The following KIAA1328 variants were observed in gnomAD, a reference collection of about 807,000 sequenced individuals.
KIAA1328 encodes KIAA1328.
In KIAA1328, 52 loss-of-function variants were observed where a neutral mutation model predicts 68.1. The ratio of observed to expected loss-of-function variants is 0.76; its 90% confidence interval spans 0.61 to 0.96. The LOEUF is 0.96. Ranked by LOEUF, KIAA1328 falls within the 40% of genes least tolerant of loss-of-function variation. The pLI, the probability that KIAA1328 is intolerant of heterozygous loss-of-function variation, is 0.00. For synonymous variants in KIAA1328, 232 were observed against 239.4 expected (o/e 0.97, Z 0.28); for missense variants, 641 against 677.6 (o/e 0.95, Z 0.60).
intron 5 of KIAA1328, among the ~76,000 whole-genome samples, chr18:36,899,696 A>G (rs1319672211): frequency 1.3e-5 from 2 of 152,020 alleles, no homozygotes; most frequent in East Asian, 3.8e-4. Flanking sequence ...ACTGCTAGGA[A>G]AGAATGAAGT....
At chr18:36,913,569 C>CACACA (rs1491555481) in intron 5 of KIAA1328, among the ~76,000 whole-genome samples, 24 of 146,114 alleles carry the variant, frequency 1.6e-4, no homozygotes, top group Non-Finnish European at 2.6e-4. Flanking sequence ...CACACACACA[C>CACACA]TACTTAGAGG....
chr18:36,868,921 T>A (rs992156952), intron 4 of KIAA1328, among the ~76,000 whole-genome samples: 1 of 152,150 alleles, frequency 6.6e-6, no homozygotes. Context: ...TATTATTTTA[T>A]ATTTATTCTG....
chr18:37,175,280 T>C (rs939530767), intron 9 of KIAA1328, among the ~76,000 whole-genome samples: 4 of 152,080 alleles, frequency 2.6e-5, no homozygotes, highest in African/African-American at 9.7e-5. Flanking sequence ...GAGGGAAGTA[T>C]GAAAAAATGG....
chr18:37,066,135 A>G (rs1280893400), intron 6 of KIAA1328, among the ~76,000 whole-genome samples: 2 of 152,228 alleles, frequency 1.3e-5, no homozygotes, highest in Non-Finnish European at 2.9e-5. Flanking sequence ...AGAATCATTG[A>G]TACAGATTAA....
At chr18:37,134,576 A>C (rs1188415761) in intron 7 of KIAA1328, among the ~76,000 whole-genome samples, 1 of 152,048 alleles carries the variant, frequency 6.6e-6, no homozygotes, top group African/African-American at 2.4e-5. Context: ...TTCTGCATTC[A>C]CTCTTCTGTG....
intron 4 of KIAA1328, among the ~76,000 whole-genome samples, chr18:36,850,048 GTTTTTC>G (rs916334620): frequency 1.3e-5 from 2 of 151,866 alleles, no homozygotes; most frequent in African/African-American, 4.8e-5. Context: ...AAATTGGGGT[GTTTTTC>G]TTTTTTGTTA....
intron 7 of KIAA1328, among the ~76,000 whole-genome samples, chr18:37,148,772 A>C (rs2058963339): frequency 6.6e-6 from 1 of 152,150 alleles, no homozygotes; most frequent in South Asian, 2.1e-4. Flanking sequence ...TCTTCTTTTG[A>C]GAAGTGTGTA....
At chr18:37,012,730 A>G (rs1450533689) in intron 6 of KIAA1328, among the ~76,000 whole-genome samples, 2 of 152,188 alleles carry the variant, frequency 1.3e-5, no homozygotes, top group African/African-American at 4.8e-5. Flanking sequence ...TCTGGAGTGT[A>G]GTTTAATAAA....
At chr18:36,950,939 C>T (rs554769697) in intron 5 of KIAA1328, among the ~76,000 whole-genome samples, 6 of 152,206 alleles carry the variant, frequency 3.9e-5, no homozygotes, top group Non-Finnish European at 5.9e-5. Context: ...AGATGATGGA[C>T]AACCAAGTAA....
At chr18:36,891,556 C>T (rs1185069299) in intron 5 of KIAA1328, among the ~76,000 whole-genome samples, 4 of 152,152 alleles carry the variant, frequency 2.6e-5, no homozygotes, top group Non-Finnish European at 4.4e-5. Flanking sequence ...GAGAACATAA[C>T]GATGTTTGGT....
intron 7 of KIAA1328, among the ~76,000 whole-genome samples, chr18:37,082,307 G>T (rs937165641): frequency 6.6e-6 from 1 of 151,676 alleles, no homozygotes; most frequent in African/African-American, 2.4e-5. Flanking sequence ...AAGTAGCTGG[G>T]ATTACAGGCA....
At chr18:37,129,340 T>G (rs998033680) in intron 7 of KIAA1328, among the ~76,000 whole-genome samples, 3 of 152,150 alleles carry the variant, frequency 2.0e-5, no homozygotes, top group African/African-American at 7.2e-5. Context: ...TGAATTTCCA[T>G]CATTAGGAGA....
intron 6 of KIAA1328, among the ~76,000 whole-genome samples, chr18:37,016,710 C>T (rs1034748372): frequency 6.6e-6 from 1 of 152,010 alleles, no homozygotes; most frequent in African/African-American, 2.4e-5. Context: ...TGTGTGTTTC[C>T]AGGAATTTCT....
intron 5 of KIAA1328, among the ~76,000 whole-genome samples, chr18:36,891,264 C>G (rs1201842524): frequency 6.6e-6 from 1 of 152,100 alleles, no homozygotes; most frequent in Non-Finnish European, 1.5e-5. Flanking sequence ...TTAAATACCA[C>G]TCTATATTCA....
At chr18:37,042,841 C>T (rs1422108851) in intron 6 of KIAA1328, among the ~76,000 whole-genome samples, 2 of 151,898 alleles carry the variant, frequency 1.3e-5, no homozygotes, top group South Asian at 4.2e-4. Context: ...CACTTTATCT[C>T]TCTCCTCTTC....
chr18:37,038,576 C>A (rs958208518), intron 6 of KIAA1328, among the ~76,000 whole-genome samples: 1 of 152,026 alleles, frequency 6.6e-6, no homozygotes, highest in African/African-American at 2.4e-5. Context: ...TGTGACCTTG[C>A]TGAACTTATT....
At chr18:36,840,775 A>T (rs2046834478) in intron 3 of KIAA1328, among the ~76,000 whole-genome samples, 1 of 151,980 alleles carries the variant, frequency 6.6e-6, no homozygotes, top group African/African-American at 2.4e-5. Flanking sequence ...TTCTCTGTGT[A>T]GTCTTTGTTG....
intron 6 of KIAA1328, among the ~76,000 whole-genome samples, chr18:37,060,979 G>T (rs996877167): frequency 6.6e-6 from 1 of 152,172 alleles, no homozygotes; most frequent in Non-Finnish European, 1.5e-5. Flanking sequence ...GCCGGCCATG[G>T]TGGTGTGTGC....
intron 9 of KIAA1328, among the ~76,000 whole-genome samples, chr18:37,219,184 G>C (rs2060507143): frequency 6.6e-6 from 1 of 152,196 alleles, no homozygotes; most frequent in African/African-American, 2.4e-5. Context: ...CAATATTGCT[G>C]CCTGATCCTT....
Sources: gnomAD v4.1 joint callset for allele counts (sites outside exome capture counted in the v4.1 genomes callset) on GRCh38, gnomAD v4.1.1 for gene constraint, MANE v1.5 for transcripts, NCBI Gene and HGNC (gene_info 2026-07-23, HGNC 2026-07-21) for gene names.